The following MINAR2 variants were observed in gnomAD, a reference collection of about 807,000 sequenced individuals.
MINAR2 encodes the protein membrane integral NOTCH2 associated receptor 2.
In MINAR2, 21 loss-of-function variants were observed where a neutral mutation model predicts 16.1. The ratio of observed to expected loss-of-function variants is 1.31; its 90% CI spans 0.93 to 1.88. MINAR2 has a LOEUF of 1.88. Ranked by LOEUF, MINAR2 falls within the 40% of genes most tolerant of loss-of-function variation. The pLI is 0.00. For missense variants in MINAR2, 259 were observed against 229.8 expected, an observed-to-expected ratio of 1.13 and a Z score of -0.82; for synonymous variants, 86 against 83.0, an observed-to-expected ratio of 1.04 and a Z score of -0.20.
intron 1 of MINAR2, among the ~76,000 whole-genome samples, chr5:129,753,753 AAGAGAG>A (rs150136899): frequency 1.3e-5 from 2 of 149,088 alleles, no homozygotes; most frequent in African/African-American, 2.5e-5. Flanking sequence ...ACTCCGTTGA[AAGAGAG>A]AGAGAGAGAG....
chr5:129,756,553 A>G (rs1296766024), intron 1 of MINAR2, among the ~76,000 whole-genome samples: 2 of 152,030 alleles, frequency 1.3e-5, no homozygotes, highest in Admixed American at 1.3e-4. Flanking sequence ...TAGCTCCCAC[A>G]TATCAGTGAG....
At chr5:129,759,544 C>T (rs1045910274) in intron 1 of MINAR2, among the ~76,000 whole-genome samples, 2 of 152,022 alleles carry the variant, frequency 1.3e-5, no homozygotes, top group African/African-American at 4.8e-5. Flanking sequence ...GAAAAGCGCA[C>T]ATTATATGAT....
intron 1 of MINAR2, among the ~76,000 whole-genome samples, chr5:129,754,054 A>G (rs1737064337): frequency 6.6e-6 from 1 of 152,072 alleles, no homozygotes; most frequent in Admixed American, 6.6e-5. Context: ...AGAACACCCA[A>G]ATTGCTCCTC....
chr5:129,748,247 CG>C lies in MINAR2; in HGVS notation c.58del (p.Val20Ter). 6.5e-7 allele frequency: 1 copy of C among 1,535,196 alleles called. No individual in the cohort carries two copies. Among genetic ancestry groups the C allele is most frequent in the Non-Finnish European group, 8.7e-7 (1 of 1,146,550 alleles). Reference sequence around the variant, plus strand: ...ATCCTGACAAATTCCTGCAGCTTGACGTAAAGTCTTTAACGAGGAGCTCAGC... The same window carrying C: ...ATCCTGACAAATTCCTGCAGCTTGACTAAAGTCTTTAACGAGGAGCTCAGC... ...NHPDKFLQLDVKSLTRSSALL... is the reference protein window; with the variant it reads ...NHPDKFLQLDXKSLTRSSALL... On this transcript the variant is annotated frameshift_variant, in exon 1 of 3. Transcript: ENST00000564719. LOFTEE classifies it high-confidence loss of function.
At chr5:129,764,298 GA>G in intron 2 of MINAR2, among the ~76,000 whole-genome samples, 1 of 152,198 alleles carries the variant, frequency 6.6e-6, no homozygotes, top group South Asian at 2.1e-4. Context: ...CTGCATGCCA[GA>G]CATGTGGCAG....
intron 2 of MINAR2, chr5:129,762,455 A>G (rs1758149476): frequency 4.2e-6 from 1 of 240,370 alleles, no homozygotes; most frequent in African/African-American, 2.3e-5. Flanking sequence ...CCAAATTAGG[A>G]TTAGTGTGAT....
Position 129,748,328 on chromosome 5 carries a change from A to G in MINAR2, c.138A>G (p.Gln46=). 2.0e-6 allele frequency: 3 copies of G among 1,535,108 alleles called. No individual in the cohort carries two copies. Among genetic ancestry groups the G allele is most frequent in the Non-Finnish European group, 1.7e-6 (2 of 1,146,510 alleles). The change falls in exon 1 of 3, where the codon CAA becomes CAG. Residue 46 remains glutamine, a synonymous_variant. Transcript: ENST00000564719. ...CGGGTGGAAATTATCCTGCTGCACA[A>G]CACTGGCAAAACCTTGTCTACTCAC... ...RFPGGNYPAA[Q]HWQNLVYSQR... is the part of the protein sequence containing the mutation.
At chr5:129,749,309 C>T (rs568214255) in intron 1 of MINAR2, among the ~76,000 whole-genome samples, 61 of 152,210 alleles carry the variant, frequency 4.0e-4, no homozygotes, top group African/African-American at 1.4e-3. Flanking sequence ...ACTCATGAGT[C>T]CTGGTGTAAA....
In MINAR2 at chr5:129,748,181, G is replaced by A. The variant is rs986878268; in HGVS notation, c.-10G>A. 1 of 1,534,572 alleles carries A rather than the reference G, an allele frequency of 6.5e-7. No individual in the cohort carries two copies. Among genetic ancestry groups the A allele is most frequent in the Non-Finnish European group, 8.7e-7 (1 of 1,146,136 alleles). ...CCTGTCTTTGTTTTCCACTGTAGGT[G>A]AAGGGAGACATGGATCTCTCTGTTT... On this transcript the variant is annotated 5_prime_UTR_variant, in exon 1 of 3. Coordinates refer to ENST00000564719, the MANE Select transcript of MINAR2 (RefSeq NM_001257308.2).
In MINAR2 at chr5:129,765,161, C is replaced by A; in HGVS notation, c.*98C>A. 1.6e-6 allele frequency: 1 copy of A among 617,632 alleles called. No homozygotes were observed. Among genetic ancestry groups the A allele is most frequent in the Non-Finnish European group, 2.4e-6 (1 of 419,584 alleles). 38.3% of individuals were successfully genotyped at this position (617,632 alleles called of 1,614,324 possible). ...CCAAAATAACAAAAAAACACATGTA[C>A]ATGCAGTGTGAATGGATTGTTGATT... On this transcript the variant is annotated 3_prime_UTR_variant, in exon 3 of 3. Coordinates refer to ENST00000564719, the MANE Select transcript of MINAR2 (RefSeq NM_001257308.2).
chr5:129,765,128 C>G lies in MINAR2; in HGVS notation c.*65C>G, dbSNP rs1275210344. ...AATTTTTCTGATAAACATTTGAAAC[C>G]CCCCCCACCAAAATAACAAAAAAAC... On this transcript the variant is annotated 3_prime_UTR_variant, in exon 3 of 3. Transcript: ENST00000564719. 8.8e-6 allele frequency: 7 copies of G among 792,108 alleles called. No individual in the cohort carries two copies. The highest frequency in any genetic ancestry group is 2.6e-4 in the Middle Eastern group (1 of 3,868). The allele number at this position is 792,108 out of a possible 1,614,324, so 49.1% of individuals were successfully genotyped here. A position where few individuals can be genotyped will look rare whatever the true frequency, so the allele number is the denominator to read the frequency against.
intron 1 of MINAR2, among the ~76,000 whole-genome samples, chr5:129,749,050 T>C (rs1757954231): frequency 6.6e-6 from 1 of 152,158 alleles, no homozygotes; most frequent in African/African-American, 2.4e-5. Flanking sequence ...AGAATAAAAC[T>C]GTGATGAGTT....
intron 1 of MINAR2, among the ~76,000 whole-genome samples, chr5:129,756,989 C>T (rs1758063694): frequency 7.1e-6 from 1 of 139,934 alleles, no homozygotes; most frequent in East Asian, 2.1e-4. Context: ...TGTATATACA[C>T]ACATATATAC....
chr5:129,760,424 CAG>C lies in MINAR2; in HGVS notation c.214_215del (p.Asp72GlnfsTer6). ...GCTCAACGAATTAGGGGATCCAGTG[CAG>C]ACAGCCTTGTCACTGCTGATAGCCC... On this transcript the variant is annotated frameshift_variant, in exon 2 of 3. Transcript: ENST00000564719. LOFTEE classifies it high-confidence loss of function. The C allele has an allele frequency of 6.5e-7, 1 of 1,535,754 alleles. No individual in the cohort carries two copies. The highest frequency in any genetic ancestry group is 8.7e-7 in the Non-Finnish European group (1 of 1,146,574).
At chr5:129,764,237 A>G (rs1581294649) in intron 2 of MINAR2, among the ~76,000 whole-genome samples, 1 of 152,168 alleles carries the variant, frequency 6.6e-6, no homozygotes, top group Non-Finnish European at 1.5e-5. Flanking sequence ...ATAAGAGCTG[A>G]TGTGGGGAAG....
At chr5:129,748,614 G>A (rs144860704) in intron 1 of MINAR2, among the ~76,000 whole-genome samples, 1 of 152,110 alleles carries the variant, frequency 6.6e-6, no homozygotes, top group East Asian at 1.9e-4. Flanking sequence ...ATTTCAGGTG[G>A]CCCTCATTTA....
chr5:129,752,962 G>C (rs970634167), intron 1 of MINAR2, among the ~76,000 whole-genome samples: 5 of 151,988 alleles, frequency 3.3e-5, no homozygotes, highest in African/African-American at 1.2e-4. Context: ...GCGAGAGGCT[G>C]CTCTTCCATT....
intron 1 of MINAR2, among the ~76,000 whole-genome samples, chr5:129,758,161 TA>T (rs970106528): frequency 5.9e-5 from 9 of 152,132 alleles, no homozygotes; most frequent in African/African-American, 2.2e-4. Flanking sequence ...ATAAATATTT[TA>T]AAAGGTAATT....
intron 1 of MINAR2, among the ~76,000 whole-genome samples, chr5:129,758,796 T>G (rs947100419): frequency 3.9e-5 from 6 of 152,062 alleles, no homozygotes; most frequent in Non-Finnish European, 7.4e-5. Flanking sequence ...TTTAAATTTC[T>G]TATCAAATTA....
Sources: allele counts gnomAD v4.1 joint callset (sites outside exome capture counted in the v4.1 genomes callset), GRCh38; gene constraint gnomAD v4.1.1; transcripts MANE v1.5; gene names NCBI Gene and HGNC (gene_info 2026-07-23, HGNC 2026-07-21).